Variants in KIF6 observed in about 807,000 individuals in gnomAD.
KIF6 encodes kinesin family member 6.
Under a neutral mutation model 112.7 loss-of-function variants are expected in KIF6, and 106 were observed. The ratio of observed to expected loss-of-function variants is 0.94; its 90% CI spans 0.80 to 1.11. KIF6 has a LOEUF of 1.11. Ranked by LOEUF, KIF6 falls within the 50% of genes least tolerant of loss-of-function variation. The pLI is 0.00. For synonymous variants in KIF6, 339 were observed against 339.9 expected (o/e 1.00, Z 0.03); for missense variants, 929 against 964.0 (o/e 0.96, Z 0.48).
intron 13 of KIF6, among the ~76,000 whole-genome samples, chr6:39,443,170 A>AAATAAAACT (rs1554217833): frequency 2.2e-3 from 270 of 123,562 alleles, no homozygotes; most frequent in African/African-American, 7.3e-3. Flanking sequence ...AAATAAAAAT[A>AAATAAAACT]AAAAAAAGAA....
intron 3 of KIF6, among the ~76,000 whole-genome samples, chr6:39,669,392 A>G (rs1235057430): frequency 6.6e-6 from 1 of 152,160 alleles, no homozygotes; most frequent in Non-Finnish European, 1.5e-5. Context: ...ACACATATGG[A>G]TTTATCCAAG....
intron 10 of KIF6, among the ~76,000 whole-genome samples, chr6:39,567,775 T>C (rs1376522254): frequency 6.6e-6 from 1 of 152,056 alleles, no homozygotes; most frequent in Non-Finnish European, 1.5e-5. Flanking sequence ...GCCTGGCTAA[T>C]TTTTTGTATT....
intron 5 of KIF6, among the ~76,000 whole-genome samples, chr6:39,628,954 T>G (rs892804543): frequency 6.6e-6 from 1 of 152,176 alleles, no homozygotes; most frequent in Admixed American, 6.6e-5. Context: ...TGCTAACTTT[T>G]GCACTTAGCA....
intron 3 of KIF6, among the ~76,000 whole-genome samples, chr6:39,648,634 T>C (rs1308504484): frequency 6.6e-6 from 1 of 152,194 alleles, no homozygotes; most frequent in Admixed American, 6.5e-5. Context: ...CAACATTCCC[T>C]AACATCTTAG....
At chr6:39,687,163 T>C (rs1293914942) in intron 3 of KIF6, among the ~76,000 whole-genome samples, 2 of 151,876 alleles carry the variant, frequency 1.3e-5, no homozygotes, top group Non-Finnish European at 2.9e-5. Context: ...ACACCACAGA[T>C]GAATATGGAA....
rs117061053 is a variant in KIF6 at position 39,436,247 on chromosome 6, T to C, written c.1646-5086A>G. Among the ~76,000 whole-genome samples, 48 of 152,306 alleles carry C rather than the reference T, an allele frequency of 3.2e-4. No individual in the cohort carries two copies. The East Asian group carries it at 8.7e-3, about 28-fold the overall frequency. Reference sequence around the variant, plus strand: ...CTTGCGGATTGGCTTGAGTTCTTTGTAGATTCTGGATATTACTGCTTTGTC... The same window carrying C: ...CTTGCGGATTGGCTTGAGTTCTTTGCAGATTCTGGATATTACTGCTTTGTC... On this transcript the variant is annotated intron_variant, in intron 13 of 22. Coordinates refer to ENST00000287152, the MANE Select transcript of KIF6 (RefSeq NM_145027.6).
At chr6:39,354,474 T>G (rs969098107) in intron 19 of KIF6, among the ~76,000 whole-genome samples, 2 of 152,146 alleles carry the variant, frequency 1.3e-5, no homozygotes, top group African/African-American at 4.8e-5. Context: ...CAATGCAAGA[T>G]TAAAGATCTA....
chr6:39,451,086 G>C (rs1772672099), intron 13 of KIF6, among the ~76,000 whole-genome samples: 1 of 151,982 alleles, frequency 6.6e-6, no homozygotes, highest in South Asian at 2.1e-4. Context: ...TGCAAATAAT[G>C]CTGCACCGAG....
intron 13 of KIF6, among the ~76,000 whole-genome samples, chr6:39,437,194 T>C (rs1771587710): frequency 6.6e-6 from 1 of 152,248 alleles, no homozygotes; most frequent in Non-Finnish European, 1.5e-5. Context: ...TAAGCAGAAC[T>C]ACTGATTTGT....
At chr6:39,420,482 C>T (rs1206246818) in intron 14 of KIF6, among the ~76,000 whole-genome samples, 2 of 152,216 alleles carry the variant, frequency 1.3e-5, no homozygotes, top group Non-Finnish European at 2.9e-5. Flanking sequence ...CCTGGAACAC[C>T]GCCACTCCTA....
chr6:39,461,474 T>A (rs2150423666), intron 13 of KIF6, among the ~76,000 whole-genome samples: 1 of 152,284 alleles, frequency 6.6e-6, no homozygotes, highest in East Asian at 1.9e-4. Context: ...TTTCTAGTAA[T>A]TTTTACTAGA....
chr6:39,670,362 G>T (rs1250724344), intron 3 of KIF6, among the ~76,000 whole-genome samples: 1 of 152,160 alleles, frequency 6.6e-6, no homozygotes, highest in African/African-American at 2.4e-5. Context: ...ATTAGTAATA[G>T]CCTACTGTTG....
At chr6:39,631,065 A>C (rs1379015279) in intron 5 of KIF6, among the ~76,000 whole-genome samples, 1 of 152,056 alleles carries the variant, frequency 6.6e-6, no homozygotes, top group Non-Finnish European at 1.5e-5. Context: ...TTTTGAATAT[A>C]ATCTGCTAAT....
At chr6:39,474,290 C>A (rs1252316607) in intron 13 of KIF6, among the ~76,000 whole-genome samples, 2 of 152,172 alleles carry the variant, frequency 1.3e-5, no homozygotes, top group Non-Finnish European at 2.9e-5. Flanking sequence ...ATCCACAGGG[C>A]TATTTGAAAT....
At chr6:39,715,059 G>A (rs944274202) in intron 2 of KIF6, 1 of 247,378 alleles carries the variant, frequency 4.0e-6, no homozygotes, top group African/African-American at 2.3e-5. Context: ...GCTCTCAAGA[G>A]GGACAGTGTC....
At chr6:39,631,257 G>A (rs978301538) in intron 5 of KIF6, among the ~76,000 whole-genome samples, 2 of 151,352 alleles carry the variant, frequency 1.3e-5, no homozygotes, top group African/African-American at 2.4e-5. Flanking sequence ...GGATATTTTA[G>A]TAGACAATAT....
At chr6:39,454,542 A>C (rs983502583) in intron 13 of KIF6, among the ~76,000 whole-genome samples, 13 of 151,888 alleles carry the variant, frequency 8.6e-5, no homozygotes, top group South Asian at 2.1e-4. Flanking sequence ...AAAAAAAAAA[A>C]AAAAAAAAAA....
At chr6:39,362,089 C>T (rs1354253278) in intron 17 of KIF6, among the ~76,000 whole-genome samples, 2 of 152,094 alleles carry the variant, frequency 1.3e-5, no homozygotes, top group Admixed American at 6.6e-5. Flanking sequence ...CCTGCGGCTG[C>T]GTGAGAGTAT....
intron 10 of KIF6, among the ~76,000 whole-genome samples, chr6:39,555,821 G>A (rs1384650109): frequency 6.6e-6 from 1 of 151,846 alleles, no homozygotes; most frequent in African/African-American, 2.4e-5. Context: ...GGTGGTAGCG[G>A]TGCATGCCTG....
Sources: gnomAD v4.1 joint callset for allele counts (sites outside exome capture counted in the v4.1 genomes callset) on GRCh38, gnomAD v4.1.1 for gene constraint, MANE v1.5 for transcripts, NCBI Gene and HGNC (gene_info 2026-07-23, HGNC 2026-07-21) for gene names.